The following HRH1 variants were observed in gnomAD, a reference collection of about 807,000 sequenced individuals.
HRH1 encodes histamine receptor H1.
A neutral mutation model predicts 10.3 loss-of-function variants in HRH1; 6 were observed. The observed-to-expected ratio is 0.58, with a 90% CI of 0.32 to 1.15. HRH1 has a LOEUF of 1.15. Among genes scored for constraint, HRH1 ranks in the 50% most tolerant of loss-of-function variants. The pLI, the probability that HRH1 is intolerant of heterozygous loss-of-function variation, is 0.05. For synonymous variants in HRH1, 242 were observed against 236.7 expected, an observed-to-expected ratio of 1.02 and a Z score of -0.21; for missense variants, 514 against 615.3, an observed-to-expected ratio of 0.84 and a Z score of 1.74.
At chr3:11,188,282 A>G (rs527582461) in intron 1 of HRH1, among the ~76,000 whole-genome samples, 36 of 152,346 alleles carry the variant, frequency 2.4e-4, no homozygotes, top group South Asian at 2.3e-3. Flanking sequence ...ATGCCTTTTG[A>G]TTCTGTAATT....
At chr3:11,176,766 C>G (rs1398044653) in intron 1 of HRH1, among the ~76,000 whole-genome samples, 4 of 152,216 alleles carry the variant, frequency 2.6e-5, no homozygotes, top group East Asian at 3.8e-4. Flanking sequence ...CTATCTAACT[C>G]CAAATGAGAT....
chr3:11,140,806 A>G (rs1216599066), intron 1 of HRH1, among the ~76,000 whole-genome samples: 1 of 152,144 alleles, frequency 6.6e-6, no homozygotes, highest in Non-Finnish European at 1.5e-5. Flanking sequence ...GCCAGGTGTG[A>G]TTCCATGGAA....
At chr3:11,209,677 G>A (rs1039578950) in intron 1 of HRH1, among the ~76,000 whole-genome samples, 7 of 152,168 alleles carry the variant, frequency 4.6e-5, no homozygotes, top group African/African-American at 1.7e-4. Flanking sequence ...TGCCACCATG[G>A]CCAGGCTCTG....
upstream of HRH1, among the ~76,000 whole-genome samples, chr3:11,152,713 T>G (rs185347393): frequency 6.6e-6 from 1 of 150,994 alleles, no homozygotes; most frequent in East Asian, 2.0e-4. Context: ...TTTATAACAG[T>G]TGCTATCCTG....
intron 1 of HRH1, among the ~76,000 whole-genome samples, chr3:11,253,904 A>C (rs976327306): frequency 2.0e-5 from 3 of 152,064 alleles, no homozygotes; most frequent in African/African-American, 7.2e-5. Flanking sequence ...GTCATCTAAG[A>C]GTGGTTTAAG....
At chr3:11,239,021 A>G (rs1209875030) in intron 1 of HRH1, among the ~76,000 whole-genome samples, 1 of 152,252 alleles carries the variant, frequency 6.6e-6, no homozygotes, top group East Asian at 1.9e-4. Context: ...TCTCTTGGGT[A>G]TATATCTAGG....
intron 1 of HRH1, among the ~76,000 whole-genome samples, chr3:11,250,485 C>T (rs1443593169): frequency 6.6e-6 from 1 of 152,044 alleles, no homozygotes; most frequent in Admixed American, 6.5e-5. Context: ...TAGGTATGGT[C>T]CTTCCCAAGT....
intron 1 of HRH1, among the ~76,000 whole-genome samples, chr3:11,242,031 G>A (rs1269953369): frequency 2.0e-5 from 3 of 152,080 alleles, no homozygotes; most frequent in African/African-American, 4.8e-5. Context: ...GGACAAAAAC[G>A]GAACATGGGA....
intron 1 of HRH1, among the ~76,000 whole-genome samples, chr3:11,208,178 G>T (rs1440592519): frequency 2.0e-5 from 3 of 147,662 alleles, no homozygotes; most frequent in Non-Finnish European, 4.5e-5. Flanking sequence ...TTTGAGACAG[G>T]CTCTCACTCT....
At chr3:11,224,791 G>C (rs1392600645) in intron 1 of HRH1, among the ~76,000 whole-genome samples, 1 of 152,132 alleles carries the variant, frequency 6.6e-6, no homozygotes, top group Non-Finnish European at 1.5e-5. Context: ...TTGGACCAGG[G>C]GCATAGGTTC....
At chr3:11,186,018 A>T (rs1937446084) in intron 1 of HRH1, among the ~76,000 whole-genome samples, 1 of 152,046 alleles carries the variant, frequency 6.6e-6, no homozygotes, top group South Asian at 2.1e-4. Context: ...ACCCCCTTCC[A>T]GATTTCCTGC....
At chr3:11,140,123 T>C (rs746152718) in intron 1 of HRH1, among the ~76,000 whole-genome samples, 1 of 152,188 alleles carries the variant, frequency 6.6e-6, no homozygotes, top group Non-Finnish European at 1.5e-5. Flanking sequence ...CTAGTGCCCA[T>C]GTACAGTGAA....
At chr3:11,251,586 T>A (rs1206870985) in intron 1 of HRH1, among the ~76,000 whole-genome samples, 1 of 152,182 alleles carries the variant, frequency 6.6e-6, no homozygotes, top group African/African-American at 2.4e-5. Flanking sequence ...GTCTTCCGGT[T>A]TGAAAGGGAG....
chr3:11,192,902 T>C (rs1476643942), intron 1 of HRH1, among the ~76,000 whole-genome samples: 2 of 152,170 alleles, frequency 1.3e-5, no homozygotes, highest in Non-Finnish European at 2.9e-5. Context: ...CTCCCAGGGC[T>C]ATTAGAGGTA....
chr3:11,182,047 A>G (rs548096729), intron 1 of HRH1, among the ~76,000 whole-genome samples: 4 of 152,084 alleles, frequency 2.6e-5, no homozygotes, highest in Non-Finnish European at 4.4e-5. Context: ...CAGTGACACA[A>G]TCTCGGCTCA....
At chr3:11,213,200 T>G (rs146326170) in intron 1 of HRH1, among the ~76,000 whole-genome samples, 2 of 152,368 alleles carry the variant, frequency 1.3e-5, no homozygotes, top group East Asian at 3.9e-4. Context: ...GACGAGCACT[T>G]TGACTTGATT....
intron 1 of HRH1, among the ~76,000 whole-genome samples, chr3:11,179,512 C>T (rs1574991511): frequency 1.4e-5 from 2 of 147,972 alleles, no homozygotes; most frequent in South Asian, 2.2e-4. Context: ...CCCAGCTACT[C>T]GGGAGGCTGA....
intron 1 of HRH1, among the ~76,000 whole-genome samples, chr3:11,214,647 T>A (rs1337232602): frequency 6.6e-6 from 1 of 152,282 alleles, no homozygotes; most frequent in Admixed American, 6.5e-5. Flanking sequence ...ATGCTTACCA[T>A]GTATAAAACA....
At chr3:11,216,641 G>A (rs1350807454) in intron 1 of HRH1, among the ~76,000 whole-genome samples, 1 of 152,210 alleles carries the variant, frequency 6.6e-6, no homozygotes, top group Non-Finnish European at 1.5e-5. Context: ...CACTTTGGGA[G>A]ACCGAGGCAG....
Sources: gnomAD v4.1 joint callset for allele counts (sites outside exome capture counted in the v4.1 genomes callset) on GRCh38, gnomAD v4.1.1 for gene constraint, MANE v1.5 for transcripts, NCBI Gene and HGNC (gene_info 2026-07-23, HGNC 2026-07-21) for gene names.